The following RORA variants were observed in gnomAD, a reference collection of about 807,000 sequenced individuals.
RORA encodes the protein nuclear receptor ROR-alpha.
In RORA, 7 loss-of-function variants were observed where a neutral mutation model predicts 69.5. The observed-to-expected ratio is 0.10, with a 90% CI of 0.06 to 0.19. The LOEUF (loss-of-function observed/expected upper bound fraction) is 0.19. Among genes scored for constraint, RORA ranks in the 10% least tolerant of loss-of-function variants. The pLI is 1.00. For synonymous variants in RORA, 261 were observed against 240.8 expected (o/e 1.08, Z -0.78); for missense variants, 457 against 663.0 (o/e 0.69, Z 3.41).
At chr15:60,629,409 A>G (rs1258909726) in intron 2 of RORA, among the ~76,000 whole-genome samples, 1 of 150,614 alleles carries the variant, frequency 6.6e-6, no homozygotes, top group Non-Finnish European at 1.5e-5. Context: ...ATGACTGTTT[A>G]TTCTTTATTG....
intron 2 of RORA, among the ~76,000 whole-genome samples, chr15:60,659,241 T>C (rs189058043): frequency 6.6e-4 from 100 of 152,316 alleles, no homozygotes; most frequent in African/African-American, 2.3e-3. Context: ...AAGGACAAGA[T>C]TGGCGAAGCA....
At chr15:60,942,929 G>A (rs1257812307) in intron 1 of RORA, among the ~76,000 whole-genome samples, 1 of 152,236 alleles carries the variant, frequency 6.6e-6, no homozygotes, top group Non-Finnish European at 1.5e-5. Context: ...CCCTGTTAGA[G>A]TTGAAATTGC....
intron 1 of RORA, among the ~76,000 whole-genome samples, chr15:60,868,122 T>C (rs1037822580): frequency 2.6e-5 from 4 of 152,240 alleles, no homozygotes; most frequent in Non-Finnish European, 4.4e-5. Flanking sequence ...ATGCCTAGCA[T>C]GGTGCCAGAA....
At chr15:60,540,552 A>C (rs2066830779) in intron 2 of RORA, among the ~76,000 whole-genome samples, 2 of 120,504 alleles carry the variant, frequency 1.7e-5, no homozygotes, top group Admixed American at 9.9e-5. Context: ...TTCCACCTGC[A>C]CAATTTCCAT....
Position 60,608,343 on chromosome 15 carries a change from A to T in RORA, c.196+70314T>A, listed in dbSNP as rs28378854. ...TTTACATTTTATTGTTATTATCATT[A>T]TGTTGTTGTTAATGAGAATGCAGCT... On this transcript the variant is annotated intron_variant, in intron 2 of 10. Coordinates refer to ENST00000335670, the MANE Select transcript of RORA (RefSeq NM_134261.3). 3.3e-3 allele frequency among the ~76,000 whole-genome samples: 509 copies of T among 152,258 alleles called. 6 individuals are homozygous for T. Among genetic ancestry groups the T allele is most frequent in the African/African-American group, 0.011 (443 of 41,542 alleles).
At chr15:60,505,382 G>C in intron 6 of RORA, 126 bp downstream of exon 6, 1 of 982,850 alleles carries the variant, frequency 1.0e-6, no homozygotes. Flanking sequence ...TCAGAAAAAA[G>C]ATATTTAAAC....
intron 5 of RORA, among the ~76,000 whole-genome samples, chr15:60,510,895 G>T (rs962909505): frequency 3.3e-5 from 5 of 151,670 alleles, no homozygotes; most frequent in Non-Finnish European, 2.9e-5. Flanking sequence ...GTCACCTTAG[G>T]TATAAAGCAA....
At chr15:60,856,893 C>T (rs2073386083) in intron 1 of RORA, among the ~76,000 whole-genome samples, 1 of 152,064 alleles carries the variant, frequency 6.6e-6, no homozygotes, top group South Asian at 2.1e-4. Context: ...AGAGATTCAC[C>T]AATTGGGTAA....
At chr15:60,600,863 A>G (rs1312812830) in intron 2 of RORA, 1 of 152,182 alleles carries the variant, frequency 6.6e-6, no homozygotes. Flanking sequence ...CTACTGGTTA[A>G]CTATTCCTTG....
At chr15:60,747,555 G>C (rs2071666034) in intron 1 of RORA, among the ~76,000 whole-genome samples, 1 of 152,180 alleles carries the variant, frequency 6.6e-6, no homozygotes, top group African/African-American at 2.4e-5. Context: ...ACCTGCCAGA[G>C]ACACTTTATA....
intron 1 of RORA, among the ~76,000 whole-genome samples, chr15:60,991,477 A>T (rs1039762712): frequency 4.6e-5 from 7 of 152,214 alleles, no homozygotes; most frequent in African/African-American, 1.4e-4. Context: ...ACATATCAAA[A>T]GTCCTAAAAG....
chr15:61,116,446 C>T (rs1208028147), intron 1 of RORA, among the ~76,000 whole-genome samples: 1 of 152,144 alleles, frequency 6.6e-6, no homozygotes, highest in Non-Finnish European at 1.5e-5. Flanking sequence ...TTTCCTCTTC[C>T]CCTAAGCACC....
intron 2 of RORA, chr15:60,593,312 T>G (rs1052804809): frequency 1.2e-4 from 18 of 156,118 alleles, no homozygotes; most frequent in South Asian, 1.8e-4. Context: ...TGAACTCCAG[T>G]TGCCAGCTGA....
intron 1 of RORA, among the ~76,000 whole-genome samples, chr15:61,054,834 T>G (rs971402715): frequency 4.0e-5 from 6 of 151,358 alleles, no homozygotes; most frequent in East Asian, 1.9e-4. Flanking sequence ...TTGTTTTTTT[T>G]TTTTTTGGTG....
chr15:61,004,438 G>A (rs901589976), intron 1 of RORA, among the ~76,000 whole-genome samples: 2 of 150,268 alleles, frequency 1.3e-5, no homozygotes, highest in Non-Finnish European at 3.0e-5. Context: ...CAGGCCATAA[G>A]TATTTCTGCA....
At chr15:61,197,442 C>A (rs527521405) in intron 1 of RORA, among the ~76,000 whole-genome samples, 11 of 152,260 alleles carry the variant, frequency 7.2e-5, no homozygotes, top group East Asian at 1.9e-4. Flanking sequence ...TCACGAGGAG[C>A]CCATCCATCT....
chr15:60,514,899 T>A, intron 3 of RORA, 142 bp from the exon 4 acceptor site: 1 of 622,758 alleles, frequency 1.6e-6, no homozygotes, highest in Middle Eastern at 4.6e-4. Flanking sequence ...AGACCATTAA[T>A]GAAATTAAAG....
intron 1 of RORA, among the ~76,000 whole-genome samples, chr15:60,773,807 C>T (rs910708156): frequency 3.3e-5 from 5 of 152,138 alleles, no homozygotes; most frequent in African/African-American, 9.7e-5. Context: ...TCCAGAGCTA[C>T]CGGGCCAAGC....
At chr15:60,642,727 T>A (rs1264138893) in intron 2 of RORA, among the ~76,000 whole-genome samples, 1 of 151,854 alleles carries the variant, frequency 6.6e-6, no homozygotes, top group East Asian at 1.9e-4. Flanking sequence ...CAAAAAAAAT[T>A]TAAAAATTAG....
Sources: allele counts gnomAD v4.1 joint callset (sites outside exome capture counted in the v4.1 genomes callset), GRCh38; gene constraint gnomAD v4.1.1; transcripts MANE v1.5; gene names NCBI Gene and HGNC (gene_info 2026-07-23, HGNC 2026-07-21).